Variants in ZFHX4 observed in about 807,000 individuals in gnomAD.
The protein encoded by ZFHX4 is zinc finger homeobox protein 4.
ZFHX4 carries 56 observed loss-of-function variants against 267.6 expected under a neutral mutation model. That is an observed-to-expected ratio of 0.21 (90% CI 0.17 to 0.26). The LOEUF (loss-of-function observed/expected upper bound fraction) is 0.26. Among genes scored for constraint, ZFHX4 ranks in the 10% least tolerant of loss-of-function variants. The pLI is 1.00. For missense variants in ZFHX4, 4,332 were observed against 4,420.0 expected (o/e 0.98, Z 0.56); for synonymous variants, 1,778 against 1,665.6 (o/e 1.07, Z -1.64).
intron 1 of ZFHX4, among the ~76,000 whole-genome samples, chr8:76,693,001 A>T (rs926760904): frequency 3.3e-5 from 5 of 152,152 alleles, no homozygotes; most frequent in Admixed American, 3.3e-4. Context: ...CAATATAAGG[A>T]TATAATTCAT....
rs531077340 is a variant in ZFHX4 at position 76,854,614 on chromosome 8, T to G, written c.7693T>G (p.Ser2565Ala). 4 of 1,613,580 alleles carry G rather than the reference T, an allele frequency of 2.5e-6. No individual in the cohort carries two copies. The African/African-American group carries it at 5.3e-5, about 22-fold the overall frequency. The change falls in exon 10 of 11, where the codon TCC (serine) becomes GCC (alanine). Residue 2565 changes from serine to alanine, a missense_variant. Ser to Ala is a moderately conservative substitution (Grantham distance 99, BLOSUM62 1). Coordinates refer to ENST00000651372, the MANE Select transcript of ZFHX4 (RefSeq NM_024721.5). ...SLTQMPPQAS[S>A]SHTTAPTTVA... ...CACTCAAATGCCCCCTCAGGCCAGT[T>G]CCTCCCACACCACAGCCCCCACAAC...
intron 6 of ZFHX4, among the ~76,000 whole-genome samples, chr8:76,843,357 GA>G: frequency 6.6e-6 from 1 of 152,268 alleles, no homozygotes; most frequent in Non-Finnish European, 1.5e-5. Flanking sequence ...AAATATCATT[GA>G]AAAGGGATTA....
At chr8:76,709,802 CGTGTGTGTGTGTGT>C (rs34448728) in intron 3 of ZFHX4, among the ~76,000 whole-genome samples, 2 of 140,090 alleles carry the variant, frequency 1.4e-5, no homozygotes, top group Admixed American at 7.1e-5. Flanking sequence ...CGTGTGTGTG[CGTGTGTGTGTGTGT>C]GTGTGTGTGT....
intron 3 of ZFHX4, among the ~76,000 whole-genome samples, chr8:76,760,431 G>C (rs1240517275): frequency 6.6e-6 from 1 of 152,148 alleles, no homozygotes; most frequent in Non-Finnish European, 1.5e-5. Context: ...AGACTTACTT[G>C]CTTTCATGGA....
At position 76,852,793 on chromosome 8, in the gene ZFHX4, G is replaced by A. The variant is rs764047820; in HGVS notation, c.5872G>A (p.Val1958Ile). ...CGTCGKLFSN[V>I]LILKSHQEHV... Reference sequence around the variant, plus strand: ...AACATGTGGTAAATTGTTTTCCAATGTTCTTATTTTAAAGAGTCACCAAGA... The same window carrying A: ...AACATGTGGTAAATTGTTTTCCAATATTCTTATTTTAAAGAGTCACCAAGA... Residue 1958 changes from valine (V) to isoleucine (I), a missense_variant, in exon 10 of 11, where the codon GTT (valine) becomes ATT (isoleucine). By Grantham distance (29) the Val-to-Ile change is conservative. This residue lies in a region of ZFHX4 where 1,371 missense variants were observed against 1,423.1 expected (regional missense o/e 0.96). Transcript: ENST00000651372. 6 of 1,613,418 alleles carry A rather than the reference G, an allele frequency of 3.7e-6. No individual in the cohort carries two copies. The highest frequency in any genetic ancestry group is 4.5e-5 in the East Asian group (2 of 44,868).
chr8:76,811,093 G>A (rs1346838663), intron 4 of ZFHX4, among the ~76,000 whole-genome samples: 1 of 152,088 alleles, frequency 6.6e-6, no homozygotes, highest in Non-Finnish European at 1.5e-5. Context: ...TTGACCAAGA[G>A]CCCACAAGCT....
At chr8:76,850,105 G>C in intron 8 of ZFHX4, 140 bp from the exon 9 acceptor site, 2 of 659,150 alleles carry the variant, frequency 3.0e-6, no homozygotes, top group African/African-American at 1.8e-5. Context: ...GTGTGGCATT[G>C]ATCTGTAACA....
At chr8:76,825,416 A>G (rs1051895817) in intron 4 of ZFHX4, among the ~76,000 whole-genome samples, 1 of 152,242 alleles carries the variant, frequency 6.6e-6, no homozygotes, top group African/African-American at 2.4e-5. Context: ...TTTGGTTCTT[A>G]ACTCCATGGC....
chr8:76,820,773 C>A (rs1811627766), intron 4 of ZFHX4, among the ~76,000 whole-genome samples: 1 of 152,104 alleles, frequency 6.6e-6, no homozygotes, highest in South Asian at 2.1e-4. Context: ...TTGCTTATAG[C>A]CTCCATGATA....
Position 76,704,646 on chromosome 8 carries a change from G to A in ZFHX4, c.558G>A (p.Ser186=), listed in dbSNP as rs772104280. 17 of 1,613,860 alleles carry A rather than the reference G, an allele frequency of 1.1e-5. No individual in the cohort carries two copies. The East Asian group carries it at 3.1e-4, about 30-fold the overall frequency. ...KSDQSASAPM[S]FYPQIINTFH... is the part of the protein sequence containing the mutation. Reference sequence around the variant, plus strand: ...ATCAGTCTGCTTCTGCACCTATGTCGTTCTACCCACAGATCATCAACACTT... The same window carrying A: ...ATCAGTCTGCTTCTGCACCTATGTCATTCTACCCACAGATCATCAACACTT... The change falls in exon 2 of 11, where the codon TCG becomes TCA. Residue 186 remains serine (S), a synonymous_variant. Transcript: ENST00000651372.
Position 76,852,583 on chromosome 8 carries a change from C to G in ZFHX4, c.5662C>G (p.Gln1888Glu). 6.2e-7 allele frequency: 1 copy of G among 1,611,550 alleles called. No homozygotes were observed. Among genetic ancestry groups the G allele is most frequent in the Non-Finnish European group, 8.5e-7 (1 of 1,178,760 alleles). The change falls in exon 10 of 11, where the codon CAA becomes GAA. Residue 1888 changes from glutamine to glutamate, a missense_variant. Physicochemically the swap from Gln to Glu is conservative, Grantham distance 29. Transcript: ENST00000651372. The part of the protein sequence containing the change: ...GLKEGKDTKK[Q>E]KSLEPSIPPP... ...CAAAGAAGGCAAAGACACAAAGAAGCAAAAATCCTTGGAACCATCCATCCC... is the reference window on the plus strand; with the variant it reads ...CAAAGAAGGCAAAGACACAAAGAAGGAAAAATCCTTGGAACCATCCATCCC...
chr8:76,805,994 C>A (rs1027311777), intron 4 of ZFHX4, among the ~76,000 whole-genome samples: 8 of 151,960 alleles, frequency 5.3e-5, no homozygotes, highest in Admixed American at 1.3e-4. Flanking sequence ...CAATAATGAT[C>A]CTGAAATAAA....
chr8:76,697,442 G>A (rs1014532343), intron 1 of ZFHX4, among the ~76,000 whole-genome samples: 2 of 151,838 alleles, frequency 1.3e-5, no homozygotes, highest in African/African-American at 4.8e-5. Context: ...TATCAACTAC[G>A]CACTCTTAGA....
At chr8:76,796,748 G>GT (rs1216768034) in intron 4 of ZFHX4, among the ~76,000 whole-genome samples, 2 of 152,056 alleles carry the variant, frequency 1.3e-5, no homozygotes. Context: ...TATTTGTAAT[G>GT]TTTTTTTGAA....
rs548422445 is a variant in ZFHX4, at chr8:76,863,406, A to G, written c.9692A>G (p.Lys3231Arg). The change falls in exon 11 of 11, where the codon AAA becomes AGA. Residue 3231 changes from lysine (K) to arginine (R), a missense_variant. By Grantham distance (26) the Lys-to-Arg change is conservative. Around this residue, in one of 7 missense-constraint regions of ZFHX4, gnomAD observed 1,648 missense variants for 1,625.0 expected, o/e 1.01. Coordinates refer to ENST00000651372, the MANE Select transcript of ZFHX4 (RefSeq NM_024721.5). The part of the protein sequence containing the change: ...KISSALSVLG[K>R]VVGETHVDPI... ...TCATCTGCTCTTTCAGTGTTGGGCA[A>G]AGTTGTAGGTGAAACACATGTCGAT... is the stretch of plus-strand genomic sequence containing the variant. The G allele has an allele frequency of 3.7e-6, 6 of 1,613,988 alleles. No individual in the cohort carries two copies. The African/African-American group carries it at 8.0e-5, about 22-fold the overall frequency.
At chr8:76,737,434 T>A (rs148066828) in intron 3 of ZFHX4, among the ~76,000 whole-genome samples, 71 of 152,140 alleles carry the variant, frequency 4.7e-4, no homozygotes, top group Non-Finnish European at 9.0e-4. Context: ...AAGACCATGA[T>A]GTTTAAGATT....
At chr8:76,789,362 G>A (rs1160848612) in intron 4 of ZFHX4, among the ~76,000 whole-genome samples, 1 of 152,196 alleles carries the variant, frequency 6.6e-6, no homozygotes, top group African/African-American at 2.4e-5. Context: ...CAAGGATAAT[G>A]AGTGAGCCTT....
At position 76,681,555 on chromosome 8, in the gene ZFHX4, T is replaced by C. The variant is rs1807530286; in HGVS notation, c.-112T>C. On this transcript the variant is annotated 5_prime_UTR_variant, in exon 1 of 11. The change abolishes the stop of an existing upstream ORF in the 5' untranslated region. Coordinates refer to ENST00000651372, the MANE Select transcript of ZFHX4 (RefSeq NM_024721.5). ...CGTTTTACTTGGATGTGATCAGCTGTAAGTAAAATAAAAGCAAAACAAAAA... is the reference window on the plus strand; with the variant it reads ...CGTTTTACTTGGATGTGATCAGCTGCAAGTAAAATAAAAGCAAAACAAAAA... 3 of 398,264 alleles carry C rather than the reference T, an allele frequency of 7.5e-6. No homozygotes were observed. The highest frequency in any genetic ancestry group is 2.1e-5 in the African/African-American group (1 of 48,524). The allele number at this position is 398,264 out of a possible 1,614,324, so 24.7% of individuals were successfully genotyped here.
intron 3 of ZFHX4, among the ~76,000 whole-genome samples, chr8:76,775,895 C>CT (rs904035424): frequency 0.12 from 14,928 of 122,416 alleles, 1,231 homozygotes; most frequent in African/African-American, 0.26. Flanking sequence ...AGTAAGTTTT[C>CT]TTTTTTTTTT....
Sources: allele counts gnomAD v4.1 joint callset (sites outside exome capture counted in the v4.1 genomes callset), GRCh38; gene constraint gnomAD v4.1.1; regional missense constraint gnomAD v4.1.1; transcripts MANE v1.5; gene names NCBI Gene and HGNC (gene_info 2026-07-23, HGNC 2026-07-21).